Variants in SSH3 observed in about 807,000 individuals in gnomAD.
SSH3 encodes protein phosphatase Slingshot homolog 3.
In SSH3, 67 loss-of-function variants were observed where a neutral mutation model predicts 75.0. The observed-to-expected ratio is 0.89, with a 90% CI of 0.73 to 1.10. The LOEUF (loss-of-function observed/expected upper bound fraction) is 1.10, where lower values mean the gene tolerates loss of function less well. Ranked by LOEUF, SSH3 falls within the 50% of genes least tolerant of loss-of-function variation. The pLI, the probability that SSH3 is intolerant of heterozygous loss-of-function variation, is 0.00. For synonymous variants in SSH3, 318 were observed against 349.2 expected (o/e 0.91, Z 1.00); for missense variants, 824 against 872.7 (o/e 0.94, Z 0.70).
In SSH3 at chr11:67,307,462, A is replaced by C; in HGVS notation, c.602+26A>C. 6.2e-7 allele frequency: 1 copy of C among 1,613,820 alleles called. No individual in the cohort carries two copies. The highest frequency in any genetic ancestry group is 8.5e-7 in the Non-Finnish European group (1 of 1,179,970). On this transcript the variant is annotated intron_variant, in intron 6 of 13. Coordinates refer to ENST00000308127, the MANE Select transcript of SSH3 (RefSeq NM_017857.4). The surrounding 1 kb of genome is among the most constrained non-coding windows in gnomAD (Gnocchi z 4.2). Reference sequence around the variant, plus strand: ...GTAAGGACAGAGACTGCCTGGACTCAGGCCAGCCTCTCCTTCGAAGGAGGC... The same window carrying C: ...GTAAGGACAGAGACTGCCTGGACTCCGGCCAGCCTCTCCTTCGAAGGAGGC...
intron 13 of SSH3, among the ~76,000 whole-genome samples, chr11:67,310,706 AG>A (rs1861386908): frequency 6.6e-6 from 1 of 152,090 alleles, no homozygotes; most frequent in African/African-American, 2.4e-5. Flanking sequence ...CCTGTTTCCA[AG>A]GCTCCTGGGT....
In SSH3 at chr11:67,307,776, G is replaced by C. The variant is rs12272826; in HGVS notation, c.791+39G>C. 7 of 1,613,772 alleles carry C rather than the reference G, an allele frequency of 4.3e-6. No individual in the cohort carries two copies. In the Admixed American group the frequency reaches 5.0e-5, roughly 12 times the overall value. On this transcript the variant is annotated intron_variant, in intron 7 of 13. Coordinates refer to ENST00000308127, the MANE Select transcript of SSH3 (RefSeq NM_017857.4). This position sits in a 1 kb window ranked among gnomAD's most constrained non-coding sequence, Gnocchi z 4.2. ...GGGGAGGGACTGGGTGGAGGGGAAG[G>C]CAGGATAATGCAGTGGGGGGCATGG...
rs1861272062 is a variant in SSH3, at chr11:67,307,214, G to A, written c.536+101G>A. The A allele has an allele frequency of 1.3e-6, 2 of 1,560,426 alleles. No individual in the cohort carries two copies. The highest frequency in any genetic ancestry group is 2.7e-5 in the African/African-American group (2 of 74,096). The stretch of plus-strand genomic sequence containing the variant: ...CCAGGGTACAGTAGAACTTTAGGCT[G>A]GGACTCTGGGGCCTGCTCCCAGCTC... On this transcript the variant is annotated intron_variant, in intron 5 of 13. Transcript: ENST00000308127. This position sits in a 1 kb window ranked among gnomAD's most constrained non-coding sequence, Gnocchi z 4.2.
chr11:67,312,000 T>G lies in SSH3; in HGVS notation c.*113T>G, dbSNP rs938112938. The G allele has an allele frequency of 2.1e-6, 3 of 1,417,272 alleles. No individual in the cohort carries two copies. The African/African-American group carries it at 4.4e-5, about 21-fold the overall frequency. The allele number at this position is 1,417,272 out of a possible 1,614,324, so 87.8% of individuals were successfully genotyped here. On this transcript the variant is annotated 3_prime_UTR_variant, in exon 14 of 14. Transcript: ENST00000308127. ...TCCTCTCAGCTCCGCCCCATACCCG[T>G]CACTACAGCCTCACCTCCCACCCCT...
At chr11:67,306,164 C>T (rs1861236756) in intron 3 of SSH3, among the ~76,000 whole-genome samples, 1 of 151,950 alleles carries the variant, frequency 6.6e-6, no homozygotes, top group Non-Finnish European at 1.5e-5. Flanking sequence ...TGGCGGGTGC[C>T]TGTAGTCCCA....
Position 67,304,794 on chromosome 11 carries a change from T to C in SSH3, c.126T>C (p.Arg42=), listed in dbSNP as rs1396390154. Residue 42 remains arginine, a synonymous_variant, in exon 3 of 14, where the codon CGT becomes CGC. Transcript: ENST00000308127. The part of the protein sequence containing the change: ...LQRRQSFAVL[R]GAVLGLQDGG... ...CCAGGCAGAGCTTTGCGGTGCTCCG[T>C]GGGGCTGTCCTGGGACTGCAGGATG... 5.0e-6 allele frequency: 8 copies of C among 1,609,470 alleles called. No individual in the cohort carries two copies. Among genetic ancestry groups the C allele is most frequent in the Non-Finnish European group, 6.8e-6 (8 of 1,178,322 alleles).
At chr11:67,304,468 C>T (rs572717004) in intron 2 of SSH3, among the ~76,000 whole-genome samples, 4 of 152,348 alleles carry the variant, frequency 2.6e-5, no homozygotes, top group African/African-American at 9.6e-5. Flanking sequence ...CGACCATGTT[C>T]CCAGCAGCAC....
chr11:67,308,112 G>A lies in SSH3; in HGVS notation c.886-62G>A. 2 of 1,591,256 alleles carry A rather than the reference G, an allele frequency of 1.3e-6. No individual in the cohort carries two copies. The highest frequency in any genetic ancestry group is 1.7e-6 in the Non-Finnish European group (2 of 1,169,050). ...GTGCTGTCCTCAGAGGTCCCAGAGG[G>A]AAGGTGGCAGGTTGGGCACTAGGAG... On this transcript the variant is annotated intron_variant, in intron 8 of 13. Transcript: ENST00000308127. The surrounding 1 kb of genome is among the most constrained non-coding windows in gnomAD (Gnocchi z 4.9).
chr11:67,303,821 G>A, intron 1 of SSH3, 130 bp downstream of exon 1: 6 of 978,188 alleles, frequency 6.1e-6, no homozygotes, highest in African/African-American at 1.7e-5. Flanking sequence ...GCTGGAGGGC[G>A]CTGGGGGCCT....
At chr11:67,310,417 C>T (rs570736539) in intron 13 of SSH3, 78 bp downstream of exon 13, 4 of 1,511,780 alleles carry the variant, frequency 2.6e-6, no homozygotes, top group East Asian at 2.3e-5. Flanking sequence ...CCAGGATGGG[C>T]GTTTGACTGT....
rs1276523095 is a variant in SSH3, at chr11:67,309,559, T to C, written c.1208+16T>C. ...AGGCTGCAAGGTCGGTCTCCTGGCTTTGCTGCCTGCCCCACTGTGGCTTCA... is the reference window on the plus strand; with the variant it reads ...AGGCTGCAAGGTCGGTCTCCTGGCTCTGCTGCCTGCCCCACTGTGGCTTCA... On this transcript the variant is annotated intron_variant, in intron 11 of 13. Coordinates refer to ENST00000308127, the MANE Select transcript of SSH3 (RefSeq NM_017857.4). 6.2e-7 allele frequency: 1 copy of C among 1,612,054 alleles called. No individual in the cohort carries two copies. Among genetic ancestry groups the C allele is most frequent in the Non-Finnish European group, 8.5e-7 (1 of 1,179,754 alleles).
intron 10 of SSH3, chr11:67,309,120 C>T: frequency 2.2e-6 from 1 of 455,464 alleles, no homozygotes; most frequent in Non-Finnish European, 4.0e-6. Context: ...AGCTCAAAAG[C>T]TGTTCTCTAA....
intron 13 of SSH3, among the ~76,000 whole-genome samples, chr11:67,311,073 G>A (rs570627491): frequency 1.1e-4 from 16 of 152,342 alleles, no homozygotes; most frequent in African/African-American, 3.6e-4. Context: ...CATCCACTGA[G>A]GGCAGGAACA....
At chr11:67,310,918 G>C (rs1263875466) in intron 13 of SSH3, among the ~76,000 whole-genome samples, 1 of 152,224 alleles carries the variant, frequency 6.6e-6, no homozygotes, top group Non-Finnish European at 1.5e-5. Flanking sequence ...CAAAGGATGG[G>C]GTGGGGAGGA....
Position 67,312,425 on chromosome 11 carries a change from G to A in SSH3, c.*538G>A, listed in dbSNP as rs186209508. 37 of 166,564 alleles carry A rather than the reference G, an allele frequency of 2.2e-4. 1 individual carries two copies. Among genetic ancestry groups the A allele is most frequent in the African/African-American group, 2.4e-4 (10 of 41,604 alleles). The allele number at this position is 166,564 out of a possible 1,614,324, so 10.3% of individuals were successfully genotyped here. A position where few individuals can be genotyped will look rare whatever the true frequency, so the allele number is the denominator to read the frequency against. ...ATCGCTTCCCTCATCCACCTCCACC[G>A]GTCCAGGTCTTTGCTGCTGTCCCCA... On this transcript the variant is annotated 3_prime_UTR_variant, in exon 14 of 14. Coordinates refer to ENST00000308127, the MANE Select transcript of SSH3 (RefSeq NM_017857.4).
In SSH3 at chr11:67,306,963, G is replaced by C; in HGVS notation, c.464+1G>C. 6.2e-7 allele frequency: 1 copy of C among 1,612,490 alleles called. No homozygotes were observed. The highest frequency in any genetic ancestry group is 1.3e-5 in the African/African-American group (1 of 75,024). ...TGGGCGTGGATTTCCCTGACAGCAG[G>C]TTCGAGCAGGGAGAGGAAAGGAGGG... On this transcript the variant is annotated splice_donor_variant, in intron 4 of 13. Transcript: ENST00000308127. LOFTEE classifies it high-confidence loss of function.
intron 10 of SSH3, chr11:67,309,152 A>G: frequency 1.8e-6 from 1 of 541,178 alleles, no homozygotes; most frequent in South Asian, 2.3e-5. Flanking sequence ...GAATAACTGA[A>G]GGGCTGGAGT....
chr11:67,309,645 C>G, intron 11 of SSH3, 102 bp downstream of exon 11: 1 of 1,573,010 alleles, frequency 6.4e-7, no homozygotes, highest in Non-Finnish European at 8.6e-7. Context: ...TCCTTCCAGC[C>G]CTCAGTGTCC....
intron 10 of SSH3, 130 bp from the exon 11 acceptor site, chr11:67,309,267 C>G (rs1273844742): frequency 8.6e-7 from 1 of 1,162,916 alleles, no homozygotes; most frequent in Non-Finnish European, 1.2e-6. Flanking sequence ...CTTCTCCTCC[C>G]ACTGTCACTG....
Sources: gnomAD v4.1 joint callset for allele counts (sites outside exome capture counted in the v4.1 genomes callset) on GRCh38, gnomAD v4.1.1 for gene constraint, Gnocchi (gnomAD v3.1) non-coding constraint, MANE v1.5 for transcripts, NCBI Gene and HGNC (gene_info 2026-07-23, HGNC 2026-07-21) for gene names.